The following MOG variants were observed in gnomAD, a reference collection of about 807,000 sequenced individuals.
The protein encoded by MOG is myelin-oligodendrocyte glycoprotein.
MOG carries 20 observed loss-of-function variants against 35.9 expected under a neutral mutation model. The ratio of observed to expected loss-of-function variants is 0.56; its 90% CI spans 0.39 to 0.81. The LOEUF (loss-of-function observed/expected upper bound fraction) is 0.81. Ranked by LOEUF, MOG falls within the 30% of genes least tolerant of loss-of-function variation. The pLI is 0.00. For synonymous variants in MOG, 92 were observed against 114.3 expected (o/e 0.80, Z 1.25); for missense variants, 251 against 301.0 (o/e 0.83, Z 1.23).
In MOG at chr6:29,670,538, C is replaced by A; in HGVS notation, c.709+141C>A. ...CTTATTCCTCTGTCCCCATGCCCAACCCCAGGCTCTTCTGAGAAACTGTGA... is the reference window on the plus strand; with the variant it reads ...CTTATTCCTCTGTCCCCATGCCCAAACCCAGGCTCTTCTGAGAAACTGTGA... On this transcript the variant is annotated intron_variant, in intron 6 of 7. Transcript: ENST00000376917. The surrounding 1 kb of genome is among the most constrained non-coding windows in gnomAD (Gnocchi z 4.2). The A allele has an allele frequency of 6.6e-7, 1 of 1,518,688 alleles. No homozygotes were observed. The highest frequency in any genetic ancestry group is 9.1e-7 in the Non-Finnish European group (1 of 1,102,292). 94.1% of individuals were successfully genotyped at this position (1,518,688 alleles called of 1,614,324 possible).
chr6:29,660,562 GCACACA>G (rs35514085), intron 2 of MOG, among the ~76,000 whole-genome samples: 42 of 129,198 alleles, frequency 3.3e-4, no homozygotes, highest in East Asian at 6.6e-4. Flanking sequence ...ATTTGTGAGC[GCACACA>G]CACACACACA....
rs747898226 is a variant in MOG at position 29,659,547 on chromosome 6, G to T, written c.317G>T (p.Gly106Val). ...ACAGAGCTGCTGAAAGATGCTATTG[G>T]TGAGGGAAAGGTGACTCTCAGGATC... ...GRTELLKDAI[G>V]EGKVTLRIRN... Residue 106 changes from glycine (G) to valine (V), a missense_variant, in exon 2 of 8, where the codon GGT (glycine) becomes GTT (valine). Physicochemically the swap from Gly to Val is moderately radical, Grantham distance 109 (BLOSUM62 -3). Coordinates refer to ENST00000376917, the MANE Select transcript of MOG (RefSeq NM_206809.4). 33 of 1,613,102 alleles carry T rather than the reference G, an allele frequency of 2.0e-5. No homozygotes were observed. In the East Asian group the frequency reaches 7.1e-4, roughly 35 times the overall value.
In MOG at chr6:29,672,289, AAAATAAATAAATAAAT is replaced by A. The variant is rs200245124; in HGVS notation, c.*1136_*1151del. On this transcript the variant is annotated 3_prime_UTR_variant, in exon 8 of 8. Coordinates refer to ENST00000376917, the MANE Select transcript of MOG (RefSeq NM_206809.4). ...AGTGACAGAGTAAGACTCTGTCTCA[AAAATAAATAAATAAAT>A]AAATAAATAAATAAATAAATAAATA... 8.3e-3 allele frequency: 1,397 copies of A among 168,090 alleles called. 16 individuals carry two copies. Among genetic ancestry groups the A allele is most frequent in the African/African-American group, 0.024 (928 of 38,366 alleles). 10.4% of individuals were successfully genotyped at this position (168,090 alleles called of 1,614,324 possible).
chr6:29,663,477 A>C (rs1176388620), intron 2 of MOG, among the ~76,000 whole-genome samples: 1 of 152,054 alleles, frequency 6.6e-6, no homozygotes, highest in African/African-American at 2.4e-5. Context: ...CCACCTGTTG[A>C]CCTTTGCCCT....
At chr6:29,661,881 G>A (rs553492028) in intron 2 of MOG, 1 of 984,886 alleles carries the variant, frequency 1.0e-6, no homozygotes, top group Non-Finnish European at 1.2e-6. Context: ...TTTGCCTCAG[G>A]GGAGAAAGTT....
In MOG at chr6:29,657,290, C is replaced by A; in HGVS notation, c.81C>A (p.Ser27Arg). 1 of 1,593,710 alleles carries A rather than the reference C, an allele frequency of 6.3e-7. No individual in the cohort carries two copies. Among genetic ancestry groups the A allele is most frequent in the Non-Finnish European group, 8.6e-7 (1 of 1,169,294 alleles). The change falls in exon 1 of 8, where the codon AGC (serine) becomes AGA (arginine). Residue 27 changes from serine (S) to arginine (R), a missense_variant. Physicochemically the swap from Ser to Arg is moderately radical, Grantham distance 110 (BLOSUM62 -1). Transcript: ENST00000376917. ...LLLLLLQVSS[S>R]YAGQFRVIGP... ...TCCTCCTCCTCCAAGTGTCTTCCAG[C>A]TATGCAGGTAAGACATGTTTTTTTT...
intron 1 of MOG, among the ~76,000 whole-genome samples, chr6:29,658,706 C>T (rs1767738480): frequency 6.6e-6 from 1 of 152,226 alleles, no homozygotes; most frequent in Non-Finnish European, 1.5e-5. Context: ...GAGATGGCTA[C>T]AGCTGGCAAA....
intron 3 of MOG, among the ~76,000 whole-genome samples, chr6:29,667,341 G>A (rs1056355659): frequency 1.3e-5 from 2 of 152,214 alleles, no homozygotes; most frequent in African/African-American, 4.8e-5. Context: ...AACGCAGTGG[G>A]CTGGAGCAGC....
Position 29,671,900 on chromosome 6 carries a change from C to T in MOG, c.*715C>T, listed in dbSNP as rs1176071962. ...TCTTTCCTTCCTCTCATCCTTTTCT[C>T]CTATCTTCATATCTATCAGAGTATC... On this transcript the variant is annotated 3_prime_UTR_variant, in exon 8 of 8. Coordinates refer to ENST00000376917, the MANE Select transcript of MOG (RefSeq NM_206809.4). 1 of 200,704 alleles carries T rather than the reference C, an allele frequency of 5.0e-6. No homozygotes were observed. Among genetic ancestry groups the T allele is most frequent in the African/African-American group, 2.3e-5 (1 of 43,148 alleles). The allele number at this position is 200,704 out of a possible 1,614,324, so 12.4% of individuals were successfully genotyped here.
chr6:29,658,421 G>A (rs1011554014), intron 1 of MOG, among the ~76,000 whole-genome samples: 4 of 152,182 alleles, frequency 2.6e-5, no homozygotes, highest in African/African-American at 9.7e-5. Context: ...GCCACAGTGA[G>A]GTGGAAGATA....
intron 1 of MOG, among the ~76,000 whole-genome samples, chr6:29,658,910 G>A (rs1463045323): frequency 1.3e-5 from 2 of 152,180 alleles, no homozygotes; most frequent in East Asian, 3.9e-4. Context: ...TCAGGAGTTC[G>A]AGACCAGCCT....
intron 7 of MOG, 48 bp from the exon 8 acceptor site, chr6:29,671,124 T>C: frequency 6.2e-7 from 1 of 1,612,900 alleles, no homozygotes; most frequent in Non-Finnish European, 8.5e-7. Flanking sequence ...GGTTTTATGA[T>C]ACAAACTACT....
At position 29,662,091 on chromosome 6, in the gene MOG, A is replaced by G; in HGVS notation, c.436+2425A>G. The G allele has an allele frequency of 1.0e-6, 1 of 985,232 alleles. No homozygotes were observed. Among genetic ancestry groups the G allele is most frequent in the African/African-American group, 1.7e-5 (1 of 57,314 alleles). The allele number at this position is 985,232 out of a possible 1,614,324, so 61.0% of individuals were successfully genotyped here. A position where few individuals can be genotyped will look rare whatever the true frequency, so the allele number is the denominator to read the frequency against. On this transcript the variant is annotated intron_variant, in intron 2 of 7. Coordinates refer to ENST00000376917, the MANE Select transcript of MOG (RefSeq NM_206809.4). This position sits in a 1 kb window ranked among gnomAD's most constrained non-coding sequence, Gnocchi z 4.2. Reference sequence around the variant, plus strand: ...AACTACCTCTGCTCTTTCTCTGAAGAGTTTCTAATTTCTCTTGTTTACTTA... The same window carrying G: ...AACTACCTCTGCTCTTTCTCTGAAGGGTTTCTAATTTCTCTTGTTTACTTA...
Position 29,671,212 on chromosome 6 carries a change from A to G in MOG, c.*27A>G. 1 of 1,612,774 alleles carries G rather than the reference A, an allele frequency of 6.2e-7. No individual in the cohort carries two copies. On this transcript the variant is annotated 3_prime_UTR_variant, in exon 8 of 8. Coordinates refer to ENST00000376917, the MANE Select transcript of MOG (RefSeq NM_206809.4). ...TGATGTCACATCTTGGCAGGGGTGG[A>G]GGAGAGCCTGGTTGCCCAGGGATTT...
In MOG at chr6:29,670,811, G is replaced by A. The variant is rs1269331528; in HGVS notation, c.730+90G>A. ...AAGAGGAAGAGGCGGGCTATTGAGG[G>A]ATCACATTCCCAGAGGAAAGGAGGA... On this transcript the variant is annotated intron_variant, in intron 7 of 7. Transcript: ENST00000376917. This position sits in a 1 kb window ranked among gnomAD's most constrained non-coding sequence, Gnocchi z 4.2. The A allele has an allele frequency of 1.3e-6, 2 of 1,588,612 alleles. No homozygotes were observed. Among genetic ancestry groups the A allele is most frequent in the Admixed American group, 1.8e-5 (1 of 55,164 alleles).
chr6:29,665,737 G>GCTTAAGTAGGGAATAAA (rs1562196707), intron 2 of MOG, among the ~76,000 whole-genome samples: 1 of 149,702 alleles, frequency 6.7e-6, no homozygotes, highest in Non-Finnish European at 1.5e-5. Flanking sequence ...CTACATATTT[G>GCTTAAGTAGGGAATAAA]AAATACATAT....
Position 29,671,193 on chromosome 6 carries a change from C to T in MOG, c.*8C>T. 27 of 1,612,974 alleles carry T rather than the reference C, an allele frequency of 1.7e-5. No individual in the cohort carries two copies. Among genetic ancestry groups the T allele is most frequent in the Non-Finnish European group, 2.2e-5 (26 of 1,180,002 alleles). On this transcript the variant is annotated 3_prime_UTR_variant, in exon 8 of 8. Transcript: ENST00000376917. The stretch of plus-strand genomic sequence containing the variant: ...CTAGGAAATCCCTTCTGAGTGATGT[C>T]ACATCTTGGCAGGGGTGGAGGAGAG...
chr6:29,661,253 T>C (rs1768665192), intron 2 of MOG: 8 of 381,648 alleles, frequency 2.1e-5, no homozygotes, highest in Non-Finnish European at 2.9e-5. Context: ...ATCTTGGAGG[T>C]GGGAGTGACC....
intron 2 of MOG, among the ~76,000 whole-genome samples, chr6:29,663,241 C>T (rs1013895208): frequency 1.5e-5 from 2 of 137,096 alleles, no homozygotes; most frequent in African/African-American, 5.5e-5. Context: ...CACTGCACTC[C>T]AGCCTGGGGC....
Sources: allele counts gnomAD v4.1 joint callset (sites outside exome capture counted in the v4.1 genomes callset), GRCh38; gene constraint gnomAD v4.1.1; non-coding constraint Gnocchi (gnomAD v3.1); transcripts MANE v1.5; gene names NCBI Gene and HGNC (gene_info 2026-07-23, HGNC 2026-07-21).